The following GINS1 variants were observed in gnomAD, a reference collection of about 807,000 sequenced individuals.
GINS1 encodes GINS complex subunit 1.
GINS1 carries 26 observed loss-of-function variants against 34.9 expected under a neutral mutation model. The observed-to-expected ratio is 0.74, with a 90% CI of 0.55 to 1.03. GINS1 has a LOEUF of 1.03. Among genes scored for constraint, GINS1 ranks in the 50% least tolerant of loss-of-function variants. The pLI, the probability that GINS1 is intolerant of heterozygous loss-of-function variation, is 0.00. For synonymous variants in GINS1, 97 were observed against 84.4 expected (o/e 1.15, Z -0.82); for missense variants, 235 against 237.9 (o/e 0.99, Z 0.08).
intron 5 of GINS1, among the ~76,000 whole-genome samples, chr20:25,439,673 A>T (rs1300868391): frequency 6.6e-6 from 1 of 152,126 alleles, no homozygotes; most frequent in Non-Finnish European, 1.5e-5. Flanking sequence ...GGAAATTTGG[A>T]TACTAACTAG....
chr20:25,423,184 G>A (rs937130557), intron 4 of GINS1, among the ~76,000 whole-genome samples: 2 of 151,546 alleles, frequency 1.3e-5, no homozygotes, highest in Non-Finnish European at 2.9e-5. Context: ...GCATAGCTCG[G>A]CTCACTGCAA....
intron 5 of GINS1, among the ~76,000 whole-genome samples, chr20:25,427,434 G>T (rs892118839): frequency 6.6e-6 from 1 of 152,162 alleles, no homozygotes; most frequent in African/African-American, 2.4e-5. Flanking sequence ...CTGACCTCAG[G>T]TGATCCTCCC....
At chr20:25,443,476 CTTT>C (rs11482627) in intron 6 of GINS1, among the ~76,000 whole-genome samples, 2 of 124,712 alleles carry the variant, frequency 1.6e-5, no homozygotes, top group Admixed American at 8.5e-5. Context: ...GGTTGAATTT[CTTT>C]TTTTTTTTTT....
chr20:25,443,943 G>T lies in GINS1; in HGVS notation c.523-1980G>T, dbSNP rs552231643. 4.0e-5 allele frequency among the ~76,000 whole-genome samples: 6 copies of T among 150,482 alleles called. No homozygotes were observed. The South Asian group carries it at 1.3e-3, about 32-fold the overall frequency. ...AACTTTCTGTAGAATCTGTGGTGTA[G>T]ATCATTCACATACTCTAAAATATTA... On this transcript the variant is annotated intron_variant, in intron 6 of 6. Coordinates refer to ENST00000262460, the MANE Select transcript of GINS1 (RefSeq NM_021067.5).
chr20:25,413,634 C>T, intron 1 of GINS1, 156 bp from the exon 2 acceptor site: 2 of 607,432 alleles, frequency 3.3e-6, no homozygotes, highest in East Asian at 5.7e-5. Context: ...CTCCGCATCT[C>T]ACCAACACTT....
chr20:25,422,269 C>A (rs1291015416), intron 4 of GINS1, among the ~76,000 whole-genome samples: 1 of 152,022 alleles, frequency 6.6e-6, no homozygotes, highest in Non-Finnish European at 1.5e-5. Context: ...CTAATCACTT[C>A]CTTATTTTTA....
At chr20:25,444,235 A>C (rs2090499193) in intron 6 of GINS1, among the ~76,000 whole-genome samples, 1 of 151,782 alleles carries the variant, frequency 6.6e-6, no homozygotes, top group African/African-American at 2.4e-5. Flanking sequence ...GGCTGGTCTC[A>C]AACTCCTGAC....
chr20:25,417,243 G>A (rs773810863), intron 3 of GINS1, 41 bp downstream of exon 3: 1 of 920,972 alleles, frequency 1.1e-6, no homozygotes, highest in Non-Finnish European at 1.8e-6. Context: ...AGGATTTTCT[G>A]TGTGGCTTCC....
chr20:25,423,241 G>A (rs1347035134), intron 4 of GINS1, among the ~76,000 whole-genome samples: 1 of 151,240 alleles, frequency 6.6e-6, no homozygotes, highest in Non-Finnish European at 1.5e-5. Context: ...AGCCTCTGGA[G>A]TAGCTGGGAC....
rs1441900639 is a variant in GINS1, at chr20:25,413,841, A to C, written c.127A>C (p.Asn43His). The change falls in exon 2 of 7, where the codon AAC becomes CAC. Residue 43 changes from asparagine to histidine, a missense_variant. Transcript: ENST00000262460. ...LEEMKALYEQ[N>H]QSDVNEAKSG... is the part of the protein sequence containing the mutation. The stretch of plus-strand genomic sequence containing the variant: ...GGAGATGAAAGCTTTGTATGAACAA[A>C]ACCAGTCTGATGTGTAAGTTTCATA... The C allele has an allele frequency of 1.3e-6, 2 of 1,550,052 alleles. No individual in the cohort carries two copies. The highest frequency in any genetic ancestry group is 3.3e-5 in the Admixed American group (2 of 59,936).
rs1206447629 is a variant in GINS1 at position 25,418,093 on chromosome 20, T to C, written c.240-12T>C. ...TATTCTTATGCCACCCAATACCTTC[T>C]TGATGTCCTAGGTATGACCGCTTGC... On this transcript the variant is annotated splice_polypyrimidine_tract_variant and intron_variant, in intron 3 of 6. Coordinates refer to ENST00000262460, the MANE Select transcript of GINS1 (RefSeq NM_021067.5). The C allele has an allele frequency of 2.7e-6, 4 of 1,494,480 alleles. No homozygotes were observed. Among genetic ancestry groups the C allele is most frequent in the Non-Finnish European group, 3.7e-6 (4 of 1,070,216 alleles). 92.6% of individuals were successfully genotyped at this position (1,494,480 alleles called of 1,614,324 possible).
intron 5 of GINS1, among the ~76,000 whole-genome samples, chr20:25,435,782 A>C (rs868295524): frequency 0.28 from 34,379 of 122,030 alleles, 5,866 homozygotes; most frequent in East Asian, 0.87. Context: ...AAAAAAAAAA[A>C]AAAAAACCAA....
At chr20:25,417,367 C>CA (rs1600922696) in intron 3 of GINS1, 165 bp downstream of exon 3, 2 of 583,906 alleles carry the variant, frequency 3.4e-6, no homozygotes, top group Non-Finnish European at 3.0e-6. Flanking sequence ...TGAAAAATCA[C>CA]AACACTTTTA....
intron 5 of GINS1, among the ~76,000 whole-genome samples, chr20:25,431,789 C>A (rs974784910): frequency 6.6e-6 from 1 of 152,014 alleles, no homozygotes; most frequent in South Asian, 2.1e-4. Context: ...CCAGGCTGGT[C>A]TTGAACTCCT....
intron 1 of GINS1, among the ~76,000 whole-genome samples, chr20:25,410,482 A>G (rs1032694621): frequency 6.6e-6 from 1 of 152,204 alleles, no homozygotes; most frequent in African/African-American, 2.4e-5. Context: ...GTCAGCCTGC[A>G]GAGGCTGGCC....
chr20:25,422,463 C>T (rs757836879), intron 4 of GINS1, among the ~76,000 whole-genome samples: 14 of 151,088 alleles, frequency 9.3e-5, no homozygotes, highest in Non-Finnish European at 1.8e-4. Context: ...TGGTGGCATG[C>T]GCCTGTGGTC....
chr20:25,439,601 T>C (rs576140910), intron 5 of GINS1, among the ~76,000 whole-genome samples: 156 of 152,162 alleles, frequency 1.0e-3, no homozygotes, highest in African/African-American at 3.4e-3. Context: ...AAAAGTAATG[T>C]GTGGCTTTGT....
intron 1 of GINS1, among the ~76,000 whole-genome samples, chr20:25,409,726 G>A (rs1473354431): frequency 6.6e-6 from 1 of 152,192 alleles, no homozygotes; most frequent in Admixed American, 6.5e-5. Flanking sequence ...CTTGAACACA[G>A]GTTTTCCAGT....
At chr20:25,414,574 C>T (rs1385310777) in intron 2 of GINS1, among the ~76,000 whole-genome samples, 2 of 152,074 alleles carry the variant, frequency 1.3e-5, no homozygotes, top group East Asian at 1.9e-4. Context: ...GTGGCACACA[C>T]CTGGAGTCTT....
Sources: allele counts gnomAD v4.1 joint callset (sites outside exome capture counted in the v4.1 genomes callset), GRCh38; gene constraint gnomAD v4.1.1; transcripts MANE v1.5; gene names NCBI Gene and HGNC (gene_info 2026-07-23, HGNC 2026-07-21).